Variants in ARHGAP32 observed in about 807,000 individuals in gnomAD.
ARHGAP32 encodes the protein Rho GTPase activating protein 32.
Under a neutral mutation model 186.5 loss-of-function variants are expected in ARHGAP32, and 51 were observed. The ratio of observed to expected loss-of-function variants is 0.27; its 90% confidence interval spans 0.22 to 0.35. The LOEUF is 0.35. ARHGAP32 is among the 10% of genes least tolerant of loss of function. The probability of loss-of-function intolerance (pLI) is 1.00; values close to 1 mark genes in which losing one functional copy is unlikely to be tolerated. For synonymous variants in ARHGAP32, 950 were observed against 964.3 expected, an observed-to-expected ratio of 0.99 and a Z score of 0.27; for missense variants, 2,186 against 2,623.5, an observed-to-expected ratio of 0.83 and a Z score of 3.64.
chr11:129,218,979 T>C (rs1013470246), intron 1 of ARHGAP32, among the ~76,000 whole-genome samples: 1 of 152,124 alleles, frequency 6.6e-6, no homozygotes, highest in African/African-American at 2.4e-5. Context: ...GCAGACCCAA[T>C]GAGAGCCACG....
intron 2 of ARHGAP32, among the ~76,000 whole-genome samples, chr11:129,127,203 A>C (rs575352084): frequency 1.3e-5 from 2 of 152,332 alleles, no homozygotes; most frequent in African/African-American, 4.8e-5. Flanking sequence ...AACATCATGT[A>C]CCACACACCT....
At chr11:129,263,788 G>GGCAC in intron 1 of ARHGAP32, among the ~76,000 whole-genome samples, 1 of 152,232 alleles carries the variant, frequency 6.6e-6, no homozygotes, top group East Asian at 1.9e-4. Flanking sequence ...CTCTTGATGA[G>GGCAC]AATATAAAAT....
intron 11 of ARHGAP32, among the ~76,000 whole-genome samples, chr11:129,038,084 G>C (rs1446429217): frequency 1.3e-5 from 2 of 151,872 alleles, no homozygotes; most frequent in African/African-American, 4.9e-5. Flanking sequence ...CTGGGTGACA[G>C]AGCAAGACTC....
chr11:129,081,273 T>C (rs1484882994), intron 6 of ARHGAP32, among the ~76,000 whole-genome samples: 3 of 151,914 alleles, frequency 2.0e-5, no homozygotes, highest in African/African-American at 7.2e-5. Flanking sequence ...GAGGCCAGTA[T>C]CACTCTAATA....
intron 5 of ARHGAP32, among the ~76,000 whole-genome samples, chr11:129,112,035 G>A (rs1942232575): frequency 4.6e-5 from 7 of 152,126 alleles, no homozygotes; most frequent in Admixed American, 1.3e-4. Flanking sequence ...CTGAGGTCAG[G>A]AGTTCGAGAC....
intron 1 of ARHGAP32, among the ~76,000 whole-genome samples, chr11:129,170,159 A>T (rs1293338301): frequency 6.6e-6 from 1 of 151,664 alleles, no homozygotes; most frequent in Non-Finnish European, 1.5e-5. Flanking sequence ...TGATCACACT[A>T]CACTATTAAA....
At chr11:129,120,353 C>A (rs1565431844) in intron 5 of ARHGAP32, among the ~76,000 whole-genome samples, 2 of 151,980 alleles carry the variant, frequency 1.3e-5, no homozygotes, top group Non-Finnish European at 2.9e-5. Flanking sequence ...TGGCACGCTG[C>A]AATGATTGAG....
At chr11:129,047,195 C>A (rs1163315647) in intron 10 of ARHGAP32, among the ~76,000 whole-genome samples, 2 of 152,120 alleles carry the variant, frequency 1.3e-5, no homozygotes, top group African/African-American at 4.8e-5. Flanking sequence ...GAATCTTTAG[C>A]ACTGTTGGCG....
In ARHGAP32 at chr11:128,988,197, T is replaced by C. The variant is rs575076895; in HGVS notation, c.1196-72A>G. ...GAACCAAAGTTGCCAAAAAATAAGATTGTCTTAGTTTACAAAAGTAAAATA... is the reference window on the plus strand; with the variant it reads ...GAACCAAAGTTGCCAAAAAATAAGACTGTCTTAGTTTACAAAAGTAAAATA... On this transcript the variant is annotated intron_variant, in intron 12 of 22. Transcript: ENST00000682385. 22 of 1,101,330 alleles carry C rather than the reference T, an allele frequency of 2.0e-5. No individual in the cohort carries two copies. The Admixed American group carries it at 2.1e-4, about 11-fold the overall frequency. 68.2% of individuals were successfully genotyped at this position (1,101,330 alleles called of 1,614,324 possible).
chr11:129,060,206 C>T (rs765595976), intron 10 of ARHGAP32, among the ~76,000 whole-genome samples: 1 of 152,052 alleles, frequency 6.6e-6, no homozygotes, highest in Non-Finnish European at 1.5e-5. Flanking sequence ...ATATCTGTTA[C>T]ATAAACAAAG....
Position 128,970,010 on chromosome 11 carries a change from G to T in ARHGAP32, c.5203C>A (p.Pro1735Thr). 2 of 1,614,186 alleles carry T rather than the reference G, an allele frequency of 1.2e-6. No homozygotes were observed. Among genetic ancestry groups the T allele is most frequent in the Non-Finnish European group, 1.7e-6 (2 of 1,180,042 alleles). Reference sequence around the variant, plus strand: ...ATGCTGACTACATTATGGTCGTTGGGAGAGAAATAGCCAGTCACGTTGGCC... The same window carrying T: ...ATGCTGACTACATTATGGTCGTTGGTAGAGAAATAGCCAGTCACGTTGGCC... ...PRANVTGYFS[P>T]NDHNVVSMPP... The change falls in exon 23 of 23, where the codon CCC (proline) becomes ACC (threonine). Residue 1735 changes from proline (P) to threonine (T), a missense_variant. This residue lies in a region of ARHGAP32 where 1,502 missense variants were observed against 1,570.0 expected (regional missense o/e 0.96). Coordinates refer to ENST00000682385, the MANE Select transcript of ARHGAP32 (RefSeq NM_001378024.1). The surrounding 1 kb of genome is among the most constrained non-coding windows in gnomAD (Gnocchi z 5.8).
chr11:129,172,153 C>A (rs941145486), intron 1 of ARHGAP32, among the ~76,000 whole-genome samples: 2 of 152,128 alleles, frequency 1.3e-5, no homozygotes, highest in Non-Finnish European at 2.9e-5. Context: ...ACCTGAATAA[C>A]CTTTATTTCT....
At chr11:129,244,889 C>A (rs1024744169) in intron 1 of ARHGAP32, among the ~76,000 whole-genome samples, 1 of 150,966 alleles carries the variant, frequency 6.6e-6, no homozygotes, top group African/African-American at 2.4e-5. Flanking sequence ...CAAATCAAAA[C>A]CACAGTGAGA....
chr11:128,987,031 A>C (rs1389066236), intron 13 of ARHGAP32, among the ~76,000 whole-genome samples: 2 of 152,248 alleles, frequency 1.3e-5, no homozygotes, highest in Non-Finnish European at 2.9e-5. Flanking sequence ...CTAGTGTTGA[A>C]TGGCAATTGA....
intron 1 of ARHGAP32, among the ~76,000 whole-genome samples, chr11:129,209,684 G>T (rs1944556891): frequency 6.6e-6 from 1 of 150,768 alleles, no homozygotes. Context: ...AAAAAAAATT[G>T]TAAAAAGTTC....
intron 12 of ARHGAP32, among the ~76,000 whole-genome samples, chr11:128,990,094 C>G (rs1700056232): frequency 1.3e-5 from 2 of 152,088 alleles, no homozygotes; most frequent in African/African-American, 4.8e-5. Context: ...ACAAACCAAC[C>G]ATGCTATGAC....
At chr11:129,142,069 C>A (rs1943067316) in intron 2 of ARHGAP32, among the ~76,000 whole-genome samples, 1 of 148,680 alleles carries the variant, frequency 6.7e-6, no homozygotes. Context: ...GAAATTTGCC[C>A]ATGTTATAGT....
chr11:129,261,279 T>C (rs1433179218), intron 1 of ARHGAP32, among the ~76,000 whole-genome samples: 2 of 152,196 alleles, frequency 1.3e-5, no homozygotes, highest in African/African-American at 4.8e-5. Flanking sequence ...CCAGATTTTT[T>C]CACATAAAAT....
At chr11:128,978,570 C>T (rs887092435) in intron 19 of ARHGAP32, among the ~76,000 whole-genome samples, 200 bp downstream of exon 19, 1 of 152,056 alleles carries the variant, frequency 6.6e-6, no homozygotes, top group African/African-American at 2.4e-5. Flanking sequence ...AAAGAAATTG[C>T]ATACTTCTAC....
Sources: allele counts gnomAD v4.1 joint callset (sites outside exome capture counted in the v4.1 genomes callset), GRCh38; gene constraint gnomAD v4.1.1; regional missense constraint gnomAD v4.1.1; non-coding constraint Gnocchi (gnomAD v3.1); transcripts MANE v1.5; gene names NCBI Gene and HGNC (gene_info 2026-07-23, HGNC 2026-07-21).